Variants in IPMK observed in about 807,000 individuals in gnomAD.
The protein encoded by IPMK is inositol 1,3,4,6-tetrakisphosphate 5-kinase.
A neutral mutation model predicts 45.8 loss-of-function variants in IPMK; 17 were observed. The observed-to-expected ratio is 0.37, with a 90% CI of 0.25 to 0.56. IPMK has a LOEUF of 0.56. Among genes scored for constraint, IPMK ranks in the 20% least tolerant of loss-of-function variants. IPMK has a pLI of 0.79. For synonymous variants in IPMK, 180 were observed against 184.3 expected (o/e 0.98, Z 0.19); for missense variants, 399 against 498.0 (o/e 0.80, Z 1.89).
chr10:58,197,469 T>A (rs562079542), intron 5 of IPMK, among the ~76,000 whole-genome samples: 112 of 147,666 alleles, frequency 7.6e-4, no homozygotes, highest in Non-Finnish European at 1.3e-3. Flanking sequence ...GCTAACACGG[T>A]GAAACCTCGT....
chr10:58,216,963 G>A (rs1033323382), intron 3 of IPMK, among the ~76,000 whole-genome samples: 3 of 152,076 alleles, frequency 2.0e-5, no homozygotes, highest in African/African-American at 7.2e-5. Context: ...CAATTCTTGT[G>A]CCTCAGGCTC....
At chr10:58,234,293 T>C (rs1327309576) in intron 2 of IPMK, among the ~76,000 whole-genome samples, 1 of 152,184 alleles carries the variant, frequency 6.6e-6, no homozygotes, top group Non-Finnish European at 1.5e-5. Flanking sequence ...ATGACTTTCT[T>C]CACAGAATTG....
intron 3 of IPMK, among the ~76,000 whole-genome samples, chr10:58,220,859 A>T (rs754682402): frequency 6.6e-6 from 1 of 152,202 alleles, no homozygotes; most frequent in Non-Finnish European, 1.5e-5. Context: ...CTCTAAGTAT[A>T]TATAAATATT....
chr10:58,251,023 C>T (rs945412944), intron 1 of IPMK, among the ~76,000 whole-genome samples: 4 of 152,100 alleles, frequency 2.6e-5, no homozygotes, highest in African/African-American at 9.7e-5. Flanking sequence ...GACTTTTCAT[C>T]TATTTAACTT....
At chr10:58,242,725 T>C (rs1838715005) in intron 1 of IPMK, among the ~76,000 whole-genome samples, 1 of 152,186 alleles carries the variant, frequency 6.6e-6, no homozygotes, top group Non-Finnish European at 1.5e-5. Flanking sequence ...CCCAGATCTA[T>C]AGAATAATAT....
intron 4 of IPMK, among the ~76,000 whole-genome samples, chr10:58,200,334 G>T (rs930499689): frequency 3.3e-5 from 5 of 152,048 alleles, no homozygotes; most frequent in Non-Finnish European, 5.9e-5. Flanking sequence ...GGCCAGGCTG[G>T]TCTCAAACTC....
At chr10:58,202,915 T>C (rs1482437261) in intron 4 of IPMK, among the ~76,000 whole-genome samples, 1 of 152,212 alleles carries the variant, frequency 6.6e-6, no homozygotes, top group East Asian at 1.9e-4. Context: ...TGCAGTTCTA[T>C]GGATCAAGGA....
intron 2 of IPMK, among the ~76,000 whole-genome samples, chr10:58,237,270 C>CTTA (rs1224463903): frequency 6.6e-6 from 1 of 152,114 alleles, no homozygotes; most frequent in Non-Finnish European, 1.5e-5. Flanking sequence ...TAGCTCCCTC[C>CTTA]TTAACAGGTC....
At chr10:58,259,988 T>C (rs1588974224) in intron 1 of IPMK, among the ~76,000 whole-genome samples, 1 of 152,302 alleles carries the variant, frequency 6.6e-6, no homozygotes, top group Middle Eastern at 3.4e-3. Context: ...CTCAAAATAT[T>C]CCTCTCAAAT....
intron 1 of IPMK, among the ~76,000 whole-genome samples, chr10:58,256,445 C>T (rs528133498): frequency 1.3e-5 from 2 of 152,298 alleles, no homozygotes; most frequent in African/African-American, 4.8e-5. Context: ...TGCTCTTGAA[C>T]CCTGTTTCCT....
intron 1 of IPMK, among the ~76,000 whole-genome samples, chr10:58,244,820 G>T (rs865840535): frequency 6.6e-6 from 1 of 152,100 alleles, no homozygotes; most frequent in Non-Finnish European, 1.5e-5. Context: ...CGATGTGCTT[G>T]GTTAAACAGA....
chr10:58,199,104 A>C, intron 5 of IPMK, 136 bp downstream of exon 5: 1 of 566,152 alleles, frequency 1.8e-6, no homozygotes, highest in Non-Finnish European at 3.1e-6. Flanking sequence ...CCAATTCTGT[A>C]AATCTAAGTT....
At chr10:58,203,786 A>G (rs1838031253) in intron 4 of IPMK, among the ~76,000 whole-genome samples, 1 of 152,248 alleles carries the variant, frequency 6.6e-6, no homozygotes, top group African/African-American at 2.4e-5. Flanking sequence ...CCAATTTTCA[A>G]AGTTCTACTG....
chr10:58,241,887 G>A (rs1028198971), intron 1 of IPMK, among the ~76,000 whole-genome samples: 3 of 151,840 alleles, frequency 2.0e-5, no homozygotes, highest in African/African-American at 7.3e-5. Flanking sequence ...CAAACACTCA[G>A]TCCATAACAG....
intron 2 of IPMK, among the ~76,000 whole-genome samples, chr10:58,234,910 C>A (rs1002706368): frequency 4.0e-4 from 61 of 152,148 alleles, no homozygotes; most frequent in Admixed American, 3.9e-3. Flanking sequence ...TTTTTGCAAT[C>A]TACCCATCTG....
intron 4 of IPMK, among the ~76,000 whole-genome samples, chr10:58,204,462 A>G (rs1838044174): frequency 6.6e-6 from 1 of 152,120 alleles, no homozygotes; most frequent in Non-Finnish European, 1.5e-5. Context: ...TGTGGAAACT[A>G]AAGGGATCCA....
intron 2 of IPMK, among the ~76,000 whole-genome samples, chr10:58,235,123 T>A (rs1397979894): frequency 6.6e-6 from 1 of 152,224 alleles, no homozygotes; most frequent in Non-Finnish European, 1.5e-5. Flanking sequence ...TGAGATACCA[T>A]CTCACACCAG....
chr10:58,231,914 T>C (rs569325031), intron 2 of IPMK, among the ~76,000 whole-genome samples: 25 of 152,300 alleles, frequency 1.6e-4, no homozygotes, highest in Non-Finnish European at 2.8e-4. Flanking sequence ...CCCATTGGTG[T>C]ACCGTATTCA....
chr10:58,228,507 G>A (rs540417278), intron 2 of IPMK, among the ~76,000 whole-genome samples: 1 of 152,172 alleles, frequency 6.6e-6, no homozygotes, highest in African/African-American at 2.4e-5. Flanking sequence ...TGCCAGGCAA[G>A]ATAACCTAAA....
Sources: gnomAD v4.1 joint callset for allele counts (sites outside exome capture counted in the v4.1 genomes callset) on GRCh38, gnomAD v4.1.1 for gene constraint, MANE v1.5 for transcripts, NCBI Gene and HGNC (gene_info 2026-07-23, HGNC 2026-07-21) for gene names.